LCLAT1: variants seen among roughly 807,000 people sequenced by gnomAD.
LCLAT1 encodes 1-AGP acyltransferase 8.
Under a neutral mutation model 30.7 loss-of-function variants are expected in LCLAT1, and 11 were observed. That is an observed-to-expected ratio of 0.36 (90% CI 0.23 to 0.59). The LOEUF (loss-of-function observed/expected upper bound fraction) is 0.59, where lower values mean the gene tolerates loss of function less well. LCLAT1 is among the 20% of genes least tolerant of loss of function. The probability of loss-of-function intolerance (pLI) is 0.77; values close to 1 mark genes in which losing one functional copy is unlikely to be tolerated. For synonymous variants in LCLAT1, 155 were observed against 151.3 expected (o/e 1.02, Z -0.18); for missense variants, 402 against 458.6 (o/e 0.88, Z 1.13).
Position 30,577,044 on chromosome 2 carries a change from A to AT in LCLAT1, c.628+8868_628+8869insT, listed in dbSNP as rs1241398905. ...TTATTTGCATAGCTCTCTAAATGAA[A>AT]GTAGTTTTCTCCATTTTATTTTGCA... is the stretch of plus-strand genomic sequence containing the variant. On this transcript the variant is annotated intron_variant, in intron 5 of 5. Coordinates refer to ENST00000379509, the MANE Select transcript of LCLAT1 (RefSeq NM_001002257.3). Among the ~76,000 whole-genome samples the AT allele has an allele frequency of 4.0e-5, 6 of 150,996 alleles. No homozygotes were observed. In the East Asian group the frequency reaches 1.2e-3, roughly 29 times the overall value.
chr2:30,501,850 A>G (rs879828668), intron 1 of LCLAT1, among the ~76,000 whole-genome samples: 52 of 152,340 alleles, frequency 3.4e-4, no homozygotes, highest in Middle Eastern at 3.4e-3. Context: ...ATCAACTTTT[A>G]TATGTATGAA....
At chr2:30,633,987 G>A (rs1478030441) in intron 5 of LCLAT1, among the ~76,000 whole-genome samples, 6 of 152,160 alleles carry the variant, frequency 3.9e-5, no homozygotes, top group Non-Finnish European at 8.8e-5. Context: ...TATAATAGTC[G>A]TGGGCTCAGC....
Position 30,644,029 on chromosome 2 carries a change from A to G in LCLAT1, c.*3410A>G, listed in dbSNP as rs1316393833. On this transcript the variant is annotated 3_prime_UTR_variant, in exon 6 of 6. Transcript: ENST00000379509. ...AGATATAGCCCTAAAGTTATCCTGT[A>G]CCTGCATTAAATTTTCATTTTAGAA... The G allele has an allele frequency of 6.6e-6, 1 of 152,186 alleles. No homozygotes were observed. The highest frequency in any genetic ancestry group is 1.9e-4 in the East Asian group (1 of 5,196). 9.4% of individuals were successfully genotyped at this position (152,186 alleles called of 1,614,324 possible). A position where few individuals can be genotyped will look rare whatever the true frequency, so the allele number is the denominator to read the frequency against.
intron 2 of LCLAT1, among the ~76,000 whole-genome samples, chr2:30,532,096 G>C (rs1686009376): frequency 6.6e-6 from 1 of 151,886 alleles, no homozygotes; most frequent in Admixed American, 6.6e-5. Context: ...TAATCTTTTA[G>C]AAAGTCTTAT....
At chr2:30,581,681 C>T (rs1293444473) in intron 5 of LCLAT1, among the ~76,000 whole-genome samples, 2 of 152,130 alleles carry the variant, frequency 1.3e-5, no homozygotes, top group Non-Finnish European at 2.9e-5. Flanking sequence ...TCTGCATGGT[C>T]TCACTTATAT....
intron 5 of LCLAT1, among the ~76,000 whole-genome samples, chr2:30,615,906 T>C (rs772072294): frequency 1.3e-5 from 2 of 152,180 alleles, no homozygotes; most frequent in Non-Finnish European, 2.9e-5. Flanking sequence ...TCTATTCACA[T>C]TGGAGTATAA....
intron 2 of LCLAT1, among the ~76,000 whole-genome samples, chr2:30,530,903 A>G (rs1028750561): frequency 6.6e-6 from 1 of 152,138 alleles, no homozygotes; most frequent in African/African-American, 2.4e-5. Context: ...TTTGGGATCT[A>G]TAGGTATCAT....
chr2:30,536,845 G>C (rs1686270177), intron 3 of LCLAT1, among the ~76,000 whole-genome samples: 1 of 152,032 alleles, frequency 6.6e-6, no homozygotes, highest in South Asian at 2.1e-4. Flanking sequence ...AAAGTAGTGG[G>C]GATAAGTCCT....
intron 5 of LCLAT1, among the ~76,000 whole-genome samples, chr2:30,608,116 T>G (rs1318436127): frequency 1.3e-5 from 2 of 150,670 alleles, no homozygotes; most frequent in African/African-American, 4.9e-5. Context: ...AGGTCGGGAG[T>G]TCAAGACTAG....
chr2:30,614,627 A>T (rs1179086660), intron 5 of LCLAT1, among the ~76,000 whole-genome samples: 1 of 152,194 alleles, frequency 6.6e-6, no homozygotes, highest in Non-Finnish European at 1.5e-5. Context: ...AAGCCATGTT[A>T]AGTTTGAGCT....
rs1045876927 is a variant in LCLAT1 at position 30,641,964 on chromosome 2, C to G, written c.*1345C>G. 2.0e-5 allele frequency: 3 copies of G among 148,892 alleles called. No individual in the cohort carries two copies. The highest frequency in any genetic ancestry group is 7.5e-5 in the African/African-American group (3 of 39,850). The allele number at this position is 148,892 out of a possible 1,614,324, so 9.2% of individuals were successfully genotyped here. A position where few individuals can be genotyped will look rare whatever the true frequency, so the allele number is the denominator to read the frequency against. On this transcript the variant is annotated 3_prime_UTR_variant, in exon 6 of 6. Coordinates refer to ENST00000379509, the MANE Select transcript of LCLAT1 (RefSeq NM_001002257.3). ...GGTCAGAGCTGCAGAAAATATGAGG[C>G]AATTAAAAGTCTTTAGCTGTTAGCA...
chr2:30,449,966 T>TA (rs776037142), intron 1 of LCLAT1, among the ~76,000 whole-genome samples: 122 of 151,872 alleles, frequency 8.0e-4, no homozygotes, highest in Non-Finnish European at 1.3e-3. Context: ...CTTTATTTAT[T>TA]AATAAAATAG....
rs561429105 is a variant in LCLAT1 at position 30,565,423 on chromosome 2, A to C, written c.512-2637A>C. Among the ~76,000 whole-genome samples the C allele has an allele frequency of 4.6e-5, 7 of 152,280 alleles. No individual in the cohort carries two copies. The South Asian group carries it at 6.2e-4, about 14-fold the overall frequency. On this transcript the variant is annotated intron_variant, in intron 4 of 5. Transcript: ENST00000379509. ...TCTGCTGTACTCAGTCTACTAATTTAAATATTAGTCTCTTCTAAAAAATAC... is the reference window on the plus strand; with the variant it reads ...TCTGCTGTACTCAGTCTACTAATTTCAATATTAGTCTCTTCTAAAAAATAC...
chr2:30,596,956 T>TG (rs1666951534), intron 5 of LCLAT1, among the ~76,000 whole-genome samples: 1 of 127,526 alleles, frequency 7.8e-6, no homozygotes, highest in Admixed American at 8.8e-5. Flanking sequence ...TGGCTGTAGT[T>TG]GCACGGACTT....
At chr2:30,479,330 A>T (rs1016322679) in intron 1 of LCLAT1, among the ~76,000 whole-genome samples, 3 of 151,972 alleles carry the variant, frequency 2.0e-5, no homozygotes, top group South Asian at 4.2e-4. Context: ...TTGGGGTTCA[A>T]GTGATCCTCC....
At chr2:30,620,369 C>T (rs1668184339) in intron 5 of LCLAT1, among the ~76,000 whole-genome samples, 1 of 152,144 alleles carries the variant, frequency 6.6e-6, no homozygotes, top group African/African-American at 2.4e-5. Context: ...TTTTCAATTC[C>T]CCAAGTATTC....
At chr2:30,475,027 TCTAA>T (rs1041441561) in intron 1 of LCLAT1, among the ~76,000 whole-genome samples, 1 of 151,862 alleles carries the variant, frequency 6.6e-6, no homozygotes, top group African/African-American at 2.4e-5. Flanking sequence ...TGAGACAGGG[TCTAA>T]CTGTTGCCCA....
At chr2:30,600,894 A>T (rs1667150496) in intron 5 of LCLAT1, among the ~76,000 whole-genome samples, 1 of 152,054 alleles carries the variant, frequency 6.6e-6, no homozygotes, top group South Asian at 2.1e-4. Flanking sequence ...ACTTGGTTCC[A>T]TTCTCCCTGT....
At chr2:30,563,715 C>T (rs924587257) in intron 4 of LCLAT1, among the ~76,000 whole-genome samples, 2 of 152,174 alleles carry the variant, frequency 1.3e-5, no homozygotes, top group African/African-American at 4.8e-5. Flanking sequence ...AATAAACATA[C>T]TATTCATACT....
Sources: allele counts gnomAD v4.1 joint callset (sites outside exome capture counted in the v4.1 genomes callset), GRCh38; gene constraint gnomAD v4.1.1; transcripts MANE v1.5; gene names NCBI Gene and HGNC (gene_info 2026-07-23, HGNC 2026-07-21).